Variants in CCDC83 observed in about 807,000 individuals in gnomAD.
The protein encoded by CCDC83 is coiled-coil domain-containing protein 83.
CCDC83 carries 54 observed loss-of-function variants against 50.1 expected under a neutral mutation model. That is an observed-to-expected ratio of 1.08 (90% CI 0.87 to 1.35). CCDC83 has a LOEUF of 1.35. Among genes scored for constraint, CCDC83 ranks in the 40% most tolerant of loss-of-function variants. The pLI, the probability that CCDC83 is intolerant of heterozygous loss-of-function variation, is 0.00. For missense variants in CCDC83, 518 were observed against 473.9 expected (o/e 1.09, Z -0.86); for synonymous variants, 161 against 153.3 (o/e 1.05, Z -0.37).
At chr11:85,908,354 A>T (rs1465426249) in intron 7 of CCDC83, among the ~76,000 whole-genome samples, 1 of 152,000 alleles carries the variant, frequency 6.6e-6, no homozygotes, top group Non-Finnish European at 1.5e-5. Context: ...TCACACCTAT[A>T]ATCCCAGGTG....
chr11:85,905,662 C>T (rs1357612806), intron 7 of CCDC83, among the ~76,000 whole-genome samples: 1 of 150,048 alleles, frequency 6.7e-6, no homozygotes, highest in Non-Finnish European at 1.5e-5. Flanking sequence ...TCAAGGTGAG[C>T]TCAACAGTTA....
At chr11:85,877,631 T>C (rs2093276430) in intron 3 of CCDC83, among the ~76,000 whole-genome samples, 1 of 152,216 alleles carries the variant, frequency 6.6e-6, no homozygotes, top group Non-Finnish European at 1.5e-5. Context: ...AATTTCTTTG[T>C]ATATTATATA....
intron 5 of CCDC83, among the ~76,000 whole-genome samples, chr11:85,891,656 T>C (rs180948345): frequency 5.7e-4 from 87 of 152,326 alleles, no homozygotes; most frequent in Middle Eastern, 3.4e-3. Flanking sequence ...AAAAGTAACA[T>C]TGTTTCTTTG....
intron 4 of CCDC83, among the ~76,000 whole-genome samples, chr11:85,883,045 G>A (rs569539291): frequency 6.6e-6 from 1 of 152,160 alleles, no homozygotes; most frequent in East Asian, 1.9e-4. Flanking sequence ...AGCCTCCCAA[G>A]TAGCTGGGAC....
intron 8 of CCDC83, chr11:85,912,688 T>A: frequency 6.2e-7 from 1 of 1,612,900 alleles, no homozygotes; most frequent in Non-Finnish European, 8.5e-7. Flanking sequence ...CTAATCCTCG[T>A]CATCTGCTGC....
intron 4 of CCDC83, among the ~76,000 whole-genome samples, chr11:85,883,607 C>T (rs1386616120): frequency 6.6e-6 from 1 of 152,154 alleles, no homozygotes; most frequent in Admixed American, 6.5e-5. Flanking sequence ...AATTCCTATT[C>T]TTTCATTCTA....
intron 1 of CCDC83, among the ~76,000 whole-genome samples, chr11:85,862,772 GC>G (rs1237713263): frequency 2.6e-5 from 4 of 152,204 alleles, no homozygotes; most frequent in African/African-American, 9.6e-5. Flanking sequence ...ATGATTTATA[GC>G]ACATTATCAA....
chr11:85,916,384 T>C, intron 10 of CCDC83, 151 bp downstream of exon 10: 1 of 661,666 alleles, frequency 1.5e-6, no homozygotes, highest in Non-Finnish European at 2.7e-6. Flanking sequence ...ATCTCTCATT[T>C]GGATACCATT....
At chr11:85,892,331 C>T (rs1007382344) in intron 5 of CCDC83, among the ~76,000 whole-genome samples, 5 of 152,172 alleles carry the variant, frequency 3.3e-5, no homozygotes, top group African/African-American at 9.7e-5. Context: ...TTACATGCCC[C>T]ACTTTCTTTG....
At chr11:85,912,642 T>C (rs2093459943) in intron 8 of CCDC83, 1 of 1,571,456 alleles carries the variant, frequency 6.4e-7, no homozygotes, top group Non-Finnish European at 8.8e-7. Flanking sequence ...CTCCTCTCTG[T>C]GATCAGGTAT....
At chr11:85,897,798 T>C (rs2093382019) in intron 6 of CCDC83, among the ~76,000 whole-genome samples, 1 of 152,122 alleles carries the variant, frequency 6.6e-6, no homozygotes, top group South Asian at 2.1e-4. Context: ...GAAATATAGG[T>C]CCACTTATAA....
Position 85,911,270 on chromosome 11 carries a change from T to A in CCDC83, c.673-11T>A, listed in dbSNP as rs1463229086. ...TAAGTACCAACATTCATTCTCTTCT[T>A]CTGAGAACAGGTTGCAATTCACAGG... On this transcript the variant is annotated splice_polypyrimidine_tract_variant and intron_variant, in intron 7 of 10. Coordinates refer to ENST00000342404, the MANE Select transcript of CCDC83 (RefSeq NM_001286159.2). The A allele has an allele frequency of 6.3e-7, 1 of 1,597,588 alleles. No homozygotes were observed. The highest frequency in any genetic ancestry group is 1.7e-5 in the Admixed American group (1 of 57,742).
intron 8 of CCDC83, chr11:85,912,891 T>G (rs2093461524): frequency 3.2e-6 from 2 of 634,496 alleles, no homozygotes; most frequent in Non-Finnish European, 5.7e-6. Flanking sequence ...GATTTTGTTC[T>G]GACATGGTTG....
At chr11:85,879,862 C>T (rs775308964) in intron 3 of CCDC83, among the ~76,000 whole-genome samples, 4 of 152,200 alleles carry the variant, frequency 2.6e-5, no homozygotes, top group Admixed American at 6.5e-5. Flanking sequence ...GTGATCCGCT[C>T]GCCTCAGCCT....
rs75189538 is a variant in CCDC83 at position 85,897,841 on chromosome 11, T to C, written c.604-1106T>C. On this transcript the variant is annotated intron_variant, in intron 6 of 10. Coordinates refer to ENST00000342404, the MANE Select transcript of CCDC83 (RefSeq NM_001286159.2). ...AGCATGACTTACAGAAAAATTTTTA[T>C]GGCAAATCTTTCAACTCTTAAAGAC... Among the ~76,000 whole-genome samples the C allele has an allele frequency of 4.5e-3, 680 of 152,314 alleles. 31 individuals are homozygous for C. In the East Asian group the frequency reaches 0.11, roughly 25 times the overall value.
intron 2 of CCDC83, among the ~76,000 whole-genome samples, chr11:85,872,856 G>A (rs1000913747): frequency 3.9e-5 from 6 of 152,026 alleles, no homozygotes; most frequent in Admixed American, 3.9e-4. Flanking sequence ...AGATTTGTTC[G>A]TCGTTTTTGT....
At chr11:85,880,487 G>C (rs1219242370) in intron 3 of CCDC83, among the ~76,000 whole-genome samples, 1 of 151,984 alleles carries the variant, frequency 6.6e-6, no homozygotes, top group East Asian at 1.9e-4. Context: ...TGTTGCCCAG[G>C]CTGGTCTTGA....
chr11:85,872,683 G>GACACTCAACAAAT (rs1473012566), intron 2 of CCDC83, among the ~76,000 whole-genome samples: 1 of 152,134 alleles, frequency 6.6e-6, no homozygotes, highest in Non-Finnish European at 1.5e-5. Flanking sequence ...ATACCTTACA[G>GACACTCAACAAAT]ACACTCAACA....
At chr11:85,914,634 C>G (rs551312500) in intron 8 of CCDC83, among the ~76,000 whole-genome samples, 1 of 152,310 alleles carries the variant, frequency 6.6e-6, no homozygotes, top group South Asian at 2.1e-4. Context: ...AGCGACCTGA[C>G]TAGTGCCATG....
Sources: gnomAD v4.1 joint callset for allele counts (sites outside exome capture counted in the v4.1 genomes callset) on GRCh38, gnomAD v4.1.1 for gene constraint, MANE v1.5 for transcripts, NCBI Gene and HGNC (gene_info 2026-07-23, HGNC 2026-07-21) for gene names.